ZZZ3: variants seen among roughly 807,000 people sequenced by gnomAD.
The protein encoded by ZZZ3 is ZZ-type zinc finger-containing protein 3.
Under a neutral mutation model 95.2 loss-of-function variants are expected in ZZZ3, and 22 were observed. The observed-to-expected ratio is 0.23, with a 90% CI of 0.17 to 0.33. ZZZ3 has a LOEUF of 0.33. ZZZ3 is among the 10% of genes least tolerant of loss of function. The pLI is 1.00. For synonymous variants in ZZZ3, 335 were observed against 358.9 expected, an observed-to-expected ratio of 0.93 and a Z score of 0.75; for missense variants, 885 against 1,066.5, an observed-to-expected ratio of 0.83 and a Z score of 2.37.
At chr1:77,648,627 G>C (rs1054232134) in intron 1 of ZZZ3, among the ~76,000 whole-genome samples, 1 of 152,076 alleles carries the variant, frequency 6.6e-6, no homozygotes, top group Non-Finnish European at 1.5e-5. Flanking sequence ...GAAAGAAAAG[G>C]TCAATCAATC....
At chr1:77,651,379 T>C (rs1234474128) in intron 1 of ZZZ3, among the ~76,000 whole-genome samples, 1 of 152,092 alleles carries the variant, frequency 6.6e-6, no homozygotes, top group Non-Finnish European at 1.5e-5. Context: ...AGAATCTGTC[T>C]TTAAAAATAA....
intron 11 of ZZZ3, among the ~76,000 whole-genome samples, chr1:77,576,830 G>C (rs1662008279): frequency 6.6e-6 from 1 of 151,888 alleles, no homozygotes; most frequent in African/African-American, 2.4e-5. Flanking sequence ...AATTTGTGTT[G>C]GGCCACATTC....
intron 1 of ZZZ3, among the ~76,000 whole-genome samples, chr1:77,671,150 ATCC>A (rs1025927382): frequency 5.3e-5 from 8 of 152,156 alleles, no homozygotes; most frequent in South Asian, 2.1e-4. Flanking sequence ...TAATTATGAA[ATCC>A]TCCTCATTTT....
intron 5 of ZZZ3, among the ~76,000 whole-genome samples, chr1:77,629,551 G>C (rs1570553936): frequency 6.6e-6 from 1 of 152,096 alleles, no homozygotes; most frequent in African/African-American, 2.4e-5. Context: ...AAGCCTGGGA[G>C]GTAGGTCAAA....
chr1:77,618,246 T>C (rs936380646), intron 5 of ZZZ3, among the ~76,000 whole-genome samples: 1 of 140,876 alleles, frequency 7.1e-6, no homozygotes, highest in Non-Finnish European at 1.5e-5. Flanking sequence ...TTTTTTTTTT[T>C]TTTTTTTTTT....
rs2100436024 is a variant in ZZZ3 at position 77,564,406 on chromosome 1, T to C, written c.*1234A>G. On this transcript the variant is annotated 3_prime_UTR_variant, in exon 15 of 15. Coordinates refer to ENST00000370801, the MANE Select transcript of ZZZ3 (RefSeq NM_015534.6). Reference sequence around the variant, plus strand: ...GACAGAAAGAAAACTCTTAAATATGTGAAGCAAACCATTTTAAAAAATACC... The same window carrying C: ...GACAGAAAGAAAACTCTTAAATATGCGAAGCAAACCATTTTAAAAAATACC... The C allele has an allele frequency of 6.6e-6, 1 of 152,264 alleles. No individual in the cohort carries two copies. Among genetic ancestry groups the C allele is most frequent in the East Asian group, 1.9e-4 (1 of 5,182 alleles). 9.4% of individuals were successfully genotyped at this position (152,264 alleles called of 1,614,324 possible).
At chr1:77,683,097 CGCAGCCGT>C (rs1672957214), upstream of ZZZ3, among the ~76,000 whole-genome samples, 1 of 5,684 alleles carries the variant, frequency 1.8e-4, no homozygotes, top group East Asian at 1.2e-3. Context: ...GCTTCGCCGT[CGCAGCCGT>C]CGCAGCCGTC....
At chr1:77,611,180 T>C (rs934423791) in intron 5 of ZZZ3, among the ~76,000 whole-genome samples, 1 of 119,774 alleles carries the variant, frequency 8.3e-6, no homozygotes, top group Non-Finnish European at 1.7e-5. Flanking sequence ...ACACTAACAA[T>C]GAATTATCCA....
intron 5 of ZZZ3, among the ~76,000 whole-genome samples, chr1:77,601,687 C>T (rs758922238): frequency 3.3e-5 from 5 of 152,090 alleles, no homozygotes; most frequent in Non-Finnish European, 5.9e-5. Flanking sequence ...GTTTAAAAGA[C>T]GGTTTACATT....
intron 1 of ZZZ3, among the ~76,000 whole-genome samples, chr1:77,657,598 A>G (rs1260138107): frequency 1.3e-5 from 2 of 152,214 alleles, no homozygotes; most frequent in Admixed American, 1.3e-4. Context: ...AGTGCCAGAC[A>G]TATTGATTTG....
chr1:77,622,639 T>C (rs768680081), intron 5 of ZZZ3, among the ~76,000 whole-genome samples: 31 of 152,162 alleles, frequency 2.0e-4, no homozygotes, highest in Non-Finnish European at 3.7e-4. Flanking sequence ...GAATTACCAT[T>C]TGAAACCTAG....
chr1:77,632,388 C>G lies in ZZZ3; in HGVS notation c.967G>C (p.Asp323His). 4 of 1,614,132 alleles carry G rather than the reference C, an allele frequency of 2.5e-6. 1 individual carries two copies. In the South Asian group the frequency reaches 4.4e-5, roughly 18 times the overall value. ...CACTGCTCTTTTGAGGCACTGCTAT[C>G]TCCCACCACATCTACTTCCTCCTCA... ...DSEEEVDVVG[D>H]SSASKEQCKE... is the part of the protein sequence containing the mutation. The change falls in exon 5 of 15, where the codon GAT becomes CAT. Residue 323 changes from aspartate to histidine, a missense_variant. Physicochemically the swap from Asp to His is moderately conservative, Grantham distance 81. This residue lies in a region of ZZZ3 where 556 missense variants were observed against 652.9 expected (regional missense o/e 0.85). Transcript: ENST00000370801.
intron 5 of ZZZ3, among the ~76,000 whole-genome samples, chr1:77,606,286 C>T (rs1665223617): frequency 6.6e-6 from 1 of 152,142 alleles, no homozygotes; most frequent in South Asian, 2.1e-4. Flanking sequence ...TGGGAAGCAC[C>T]ATGTCTCATG....
intron 12 of ZZZ3, among the ~76,000 whole-genome samples, chr1:77,573,858 G>T (rs1661653639): frequency 6.6e-6 from 1 of 151,628 alleles, no homozygotes; most frequent in African/African-American, 2.4e-5. Flanking sequence ...GAAGATATAG[G>T]GTGATCTTTA....
At chr1:77,652,618 CAT>C (rs1439966457) in intron 1 of ZZZ3, among the ~76,000 whole-genome samples, 5 of 152,116 alleles carry the variant, frequency 3.3e-5, no homozygotes, top group Non-Finnish European at 7.4e-5. Context: ...TAAAGGAAAA[CAT>C]ATGTCCACAC....
intron 1 of ZZZ3, among the ~76,000 whole-genome samples, chr1:77,659,452 T>A (rs1177943116): frequency 6.6e-6 from 1 of 151,888 alleles, no homozygotes; most frequent in Non-Finnish European, 1.5e-5. Context: ...TCACCTGAGG[T>A]CAGGAGCTCG....
intron 5 of ZZZ3, among the ~76,000 whole-genome samples, chr1:77,604,445 A>G (rs1665034637): frequency 1.3e-5 from 2 of 152,254 alleles, no homozygotes; most frequent in African/African-American, 4.8e-5. Flanking sequence ...AAGATAATAT[A>G]TAATTGCAAC....
intron 1 of ZZZ3, among the ~76,000 whole-genome samples, chr1:77,664,551 CAT>C (rs1377385836): frequency 1.3e-5 from 2 of 152,138 alleles, no homozygotes; most frequent in Non-Finnish European, 2.9e-5. Flanking sequence ...AAATTTTACT[CAT>C]GTAATTTTTT....
chr1:77,631,078 T>C (rs1170476109), intron 5 of ZZZ3, among the ~76,000 whole-genome samples: 1 of 152,216 alleles, frequency 6.6e-6, no homozygotes, highest in African/African-American at 2.4e-5. Flanking sequence ...CATAGTAAGC[T>C]CCAAATCTTT....
Sources: gnomAD v4.1 joint callset for allele counts (sites outside exome capture counted in the v4.1 genomes callset) on GRCh38, gnomAD v4.1.1 for gene constraint, gnomAD v4.1.1 regional missense constraint, MANE v1.5 for transcripts, NCBI Gene and HGNC (gene_info 2026-07-23, HGNC 2026-07-21) for gene names.